Variants in PTPN14 observed in about 807,000 individuals in gnomAD.
PTPN14 encodes the protein tyrosine-protein phosphatase non-receptor type 14.
PTPN14 carries 53 observed loss-of-function variants against 126.8 expected under a neutral mutation model. The observed-to-expected ratio is 0.42, with a 90% CI of 0.34 to 0.53. PTPN14 has a LOEUF of 0.53. PTPN14 is among the 20% of genes least tolerant of loss of function. The pLI is 0.08. For synonymous variants in PTPN14, 630 were observed against 599.3 expected, an observed-to-expected ratio of 1.05 and a Z score of -0.75; for missense variants, 1,257 against 1,552.9, an observed-to-expected ratio of 0.81 and a Z score of 3.20.
At chr1:214,448,118 T>C (rs1441051456) in intron 3 of PTPN14, among the ~76,000 whole-genome samples, 1 of 152,216 alleles carries the variant, frequency 6.6e-6, no homozygotes, top group Non-Finnish European at 1.5e-5. Flanking sequence ...AGTCAAACAA[T>C]GCAGCATTAA....
At position 214,364,388 on chromosome 1, in the gene PTPN14, G is replaced by A; in HGVS notation, c.3435+124C>T. On this transcript the variant is annotated intron_variant, in intron 18 of 18. Transcript: ENST00000366956. This position sits in a 1 kb window ranked among gnomAD's most constrained non-coding sequence, Gnocchi z 4.1. Reference sequence around the variant, plus strand: ...AGTCAAACTAGGAACCAGGAGCCTGGAAAACTCTGGTTGGGAGACAGGAAA... The same window carrying A: ...AGTCAAACTAGGAACCAGGAGCCTGAAAAACTCTGGTTGGGAGACAGGAAA... The A allele has an allele frequency of 7.7e-7, 1 of 1,292,182 alleles. No homozygotes were observed. Among genetic ancestry groups the A allele is most frequent in the Admixed American group, 2.3e-5 (1 of 42,644 alleles). 80.0% of individuals were successfully genotyped at this position (1,292,182 alleles called of 1,614,324 possible).
At chr1:214,374,830 C>A (rs1658303018) in intron 15 of PTPN14, among the ~76,000 whole-genome samples, 1 of 152,074 alleles carries the variant, frequency 6.6e-6, no homozygotes, top group African/African-American at 2.4e-5. Flanking sequence ...TTTCAGAGAG[C>A]AGATGGAAAA....
chr1:214,525,730 G>A (rs966564392), intron 1 of PTPN14, among the ~76,000 whole-genome samples: 5 of 152,176 alleles, frequency 3.3e-5, no homozygotes, highest in African/African-American at 1.2e-4. Flanking sequence ...AAGAAACTGA[G>A]TCATGGGTGG....
At chr1:214,451,757 C>A (rs1175151662) in intron 3 of PTPN14, 48 bp downstream of exon 3, 2 of 1,585,964 alleles carry the variant, frequency 1.3e-6, no homozygotes, top group Non-Finnish European at 8.6e-7. Context: ...GGAAGCTTCA[C>A]AGTTAGTCAA....
chr1:214,429,640 GTCT>G (rs1487286597), intron 3 of PTPN14, among the ~76,000 whole-genome samples: 3 of 152,042 alleles, frequency 2.0e-5, no homozygotes, highest in African/African-American at 4.8e-5. Context: ...CCCCCAAATG[GTCT>G]TCAAGTAAAC....
chr1:214,545,011 T>C (rs991594722), intron 1 of PTPN14, among the ~76,000 whole-genome samples: 5 of 151,950 alleles, frequency 3.3e-5, no homozygotes, highest in African/African-American at 1.2e-4. Flanking sequence ...TGGGTCTGAA[T>C]GTAACAAAGG....
At chr1:214,507,759 A>C (rs923865307) in intron 1 of PTPN14, among the ~76,000 whole-genome samples, 1 of 152,234 alleles carries the variant, frequency 6.6e-6, no homozygotes, top group African/African-American at 2.4e-5. Context: ...TTCCCAGTGC[A>C]TATAAAAGTT....
At chr1:214,413,958 C>T (rs1240561878) in intron 4 of PTPN14, among the ~76,000 whole-genome samples, 2 of 151,188 alleles carry the variant, frequency 1.3e-5, no homozygotes, top group African/African-American at 2.5e-5. Context: ...CATGAGCCAC[C>T]GCGCTGGCCT....
chr1:214,520,061 A>T (rs1403534233), intron 1 of PTPN14, among the ~76,000 whole-genome samples: 7 of 80,026 alleles, frequency 8.7e-5, no homozygotes, highest in African/African-American at 2.7e-4. Context: ...AAAAAAAAAA[A>T]AAAAATATAT....
At chr1:214,492,516 G>T (rs531898418) in intron 1 of PTPN14, among the ~76,000 whole-genome samples, 1 of 152,216 alleles carries the variant, frequency 6.6e-6, no homozygotes, top group African/African-American at 2.4e-5. Context: ...TCAGATTAAA[G>T]TTTTGTGTAT....
At chr1:214,467,897 T>C (rs10864103) in intron 1 of PTPN14, among the ~76,000 whole-genome samples, 128,158 of 152,172 alleles carry the variant, frequency 0.84, 54,266 homozygotes, top group African/African-American at 0.94. Flanking sequence ...TGTAAGAAAA[T>C]TGGTCTGGTC....
At position 214,487,678 on chromosome 1, in the gene PTPN14, G is replaced by T. The variant is rs148510501; in HGVS notation, c.-154-22721C>A. Among the ~76,000 whole-genome samples the T allele has an allele frequency of 2.6e-3, 390 of 152,044 alleles. 4 individuals carry two copies. The highest frequency in any genetic ancestry group is 8.8e-3 in the African/African-American group (365 of 41,478). ...TTACATCCAATTAGAAGAGCAACAGGGCAAAAAAGCTCCATCAATATATAC... is the reference window on the plus strand; with the variant it reads ...TTACATCCAATTAGAAGAGCAACAGTGCAAAAAAGCTCCATCAATATATAC... On this transcript the variant is annotated intron_variant, in intron 1 of 18. Transcript: ENST00000366956.
At chr1:214,494,417 A>G (rs1282879254) in intron 1 of PTPN14, among the ~76,000 whole-genome samples, 1 of 152,130 alleles carries the variant, frequency 6.6e-6, no homozygotes, top group Non-Finnish European at 1.5e-5. Flanking sequence ...TGTCAGCCCT[A>G]TCACACAGGC....
At chr1:214,388,864 T>C (rs1301342738) in intron 11 of PTPN14, among the ~76,000 whole-genome samples, 1 of 152,102 alleles carries the variant, frequency 6.6e-6, no homozygotes, top group Non-Finnish European at 1.5e-5. Context: ...TGAAGCTGGG[T>C]GAATAACTCA....
intron 17 of PTPN14, among the ~76,000 whole-genome samples, chr1:214,366,300 G>A (rs976276284): frequency 7.9e-5 from 12 of 152,106 alleles, no homozygotes; most frequent in Non-Finnish European, 4.4e-5. Context: ...TCTGCGAGGG[G>A]GAAAAGACAT....
intron 10 of PTPN14, among the ~76,000 whole-genome samples, 161 bp downstream of exon 10, chr1:214,393,533 CA>C (rs1443229576): frequency 6.6e-6 from 1 of 152,196 alleles, no homozygotes; most frequent in East Asian, 1.9e-4. Flanking sequence ...CAGTCTTCAT[CA>C]TTAAAGTTTT....
At chr1:214,499,965 T>C (rs1392410648) in intron 1 of PTPN14, among the ~76,000 whole-genome samples, 2 of 151,842 alleles carry the variant, frequency 1.3e-5, no homozygotes, top group African/African-American at 4.8e-5. Flanking sequence ...GGACAAATGG[T>C]TCTACCTTCC....
chr1:214,358,940 C>T (rs1417562001), intron 18 of PTPN14, among the ~76,000 whole-genome samples: 1 of 151,506 alleles, frequency 6.6e-6, no homozygotes, highest in Non-Finnish European at 1.5e-5. Flanking sequence ...GACAGGGTTT[C>T]GTCCTGTTGG....
intron 9 of PTPN14, among the ~76,000 whole-genome samples, 200 bp from the exon 10 acceptor site, chr1:214,393,977 AC>A (rs1460716373): frequency 2.6e-5 from 4 of 152,220 alleles, no homozygotes; most frequent in African/African-American, 9.6e-5. Flanking sequence ...GAGTGGCAGA[AC>A]CTGCTGTCTG....
Sources: allele counts gnomAD v4.1 joint callset (sites outside exome capture counted in the v4.1 genomes callset), GRCh38; gene constraint gnomAD v4.1.1; non-coding constraint Gnocchi (gnomAD v3.1); transcripts MANE v1.5; gene names NCBI Gene and HGNC (gene_info 2026-07-23, HGNC 2026-07-21).